RELN: variants seen among roughly 807,000 people sequenced by gnomAD.
RELN encodes reelin.
In RELN, 108 loss-of-function variants were observed where a neutral mutation model predicts 427.6. That is an observed-to-expected ratio of 0.25 (90% CI 0.22 to 0.30). RELN has a LOEUF of 0.30. Ranked by LOEUF, RELN falls within the 10% of genes least tolerant of loss-of-function variation. RELN has a pLI of 1.00. For missense variants in RELN, 3,715 were observed against 4,302.8 expected, an observed-to-expected ratio of 0.86 and a Z score of 3.82; for synonymous variants, 1,524 against 1,513.4, an observed-to-expected ratio of 1.01 and a Z score of -0.16.
intron 6 of RELN, among the ~76,000 whole-genome samples, chr7:103,732,612 G>A (rs1209048371): frequency 2.0e-5 from 3 of 152,124 alleles, no homozygotes; most frequent in Non-Finnish European, 2.9e-5. Flanking sequence ...AGTGATCCAT[G>A]TGAAAGACGA....
intron 41 of RELN, among the ~76,000 whole-genome samples, chr7:103,549,361 AG>A (rs1830364147): frequency 6.6e-6 from 1 of 152,188 alleles, no homozygotes; most frequent in Non-Finnish European, 1.5e-5. Flanking sequence ...CTCTTTTATA[AG>A]GGCACTGATG....
chr7:103,806,459 G>A (rs1792602341), intron 3 of RELN, among the ~76,000 whole-genome samples: 1 of 151,950 alleles, frequency 6.6e-6, no homozygotes, highest in Non-Finnish European at 1.5e-5. Context: ...CAAGTAGCTG[G>A]GATTACAGGC....
chr7:103,972,090 T>TAAAAATAA (rs750130303), intron 1 of RELN, among the ~76,000 whole-genome samples: 1 of 151,790 alleles, frequency 6.6e-6, no homozygotes, highest in Non-Finnish European at 1.5e-5. Context: ...AGTAAATAGA[T>TAAAAATAA]AAAAATAAAA....
chr7:103,657,515 G>C (rs982616669), intron 12 of RELN, among the ~76,000 whole-genome samples: 4 of 152,052 alleles, frequency 2.6e-5, no homozygotes, highest in African/African-American at 9.7e-5. Context: ...CGCAGGCACT[G>C]AACTATCAGT....
rs146792489 is a variant in RELN, at chr7:103,865,503, C to T, written c.338-31831G>A. Among the ~76,000 whole-genome samples the T allele has an allele frequency of 4.4e-4, 67 of 152,102 alleles. 2 individuals are homozygous for T. Among genetic ancestry groups the T allele is most frequent in the African/African-American group, 1.5e-3 (64 of 41,524 alleles). ...GAACATAAATGCAACAATCCTAAAA[C>T]AAAATGCTAAGAAACAAAATTCAAC... On this transcript the variant is annotated intron_variant, in intron 2 of 64. Transcript: ENST00000428762.
chr7:103,594,425 C>T lies in RELN; in HGVS notation c.3607G>A (p.Val1203Met), dbSNP rs140868852. 101 of 1,614,020 alleles carry T rather than the reference C, an allele frequency of 6.3e-5. No individual in the cohort carries two copies. The highest frequency in any genetic ancestry group is 7.5e-5 in the Non-Finnish European group (88 of 1,179,918). The change falls in exon 26 of 65, where the codon GTG (valine) becomes ATG (methionine). Residue 1203 changes from valine (V) to methionine (M), a missense_variant. Transcript: ENST00000428762. ...PCTRFRWWQPVFSGEDYDQWA... is the reference protein window; with the variant it reads ...PCTRFRWWQPMFSGEDYDQWA... ...TGGTCATAGTCCTCCCCTGAGAACA[C>T]GGGCTGCCACCAGCGGAACCTGGTG...
chr7:103,490,701 A>C lies in RELN; in HGVS notation c.9572T>G (p.Ile3191Ser). Reference sequence around the variant, plus strand: ...GACATGGTCAGGCAGCTGGATGGTGATTCTTTTCCAGCTTGAGCTGTTGAC... The same window carrying C: ...GACATGGTCAGGCAGCTGGATGGTGCTTCTTTTCCAGCTTGAGCTGTTGAC... ...NSVNSSSWKRITIQLPDHVSS... is the reference protein window; with the variant it reads ...NSVNSSSWKRSTIQLPDHVSS... The change falls in exon 59 of 65, where the codon ATC (isoleucine) becomes AGC (serine). Residue 3191 changes from isoleucine (I) to serine (S), a missense_variant. By Grantham distance (142) the Ile-to-Ser change is moderately radical (BLOSUM62 -2). Around this residue, in one of 4 missense-constraint regions of RELN, gnomAD observed 1,310 missense variants for 1,643.0 expected, o/e 0.80. Transcript: ENST00000428762. The C allele has an allele frequency of 6.2e-7, 1 of 1,614,186 alleles. No individual in the cohort carries two copies. The highest frequency in any genetic ancestry group is 8.5e-7 in the Non-Finnish European group (1 of 1,180,040).
intron 16 of RELN, among the ~76,000 whole-genome samples, chr7:103,646,626 TA>T (rs905314864): frequency 6.6e-6 from 1 of 151,764 alleles, no homozygotes. Flanking sequence ...GAATCAGTAA[TA>T]AAAAATCTCC....
At chr7:103,514,210 A>T (rs1282726008) in intron 50 of RELN, among the ~76,000 whole-genome samples, 1 of 152,208 alleles carries the variant, frequency 6.6e-6, no homozygotes, top group East Asian at 1.9e-4. Context: ...CTAGTATGGG[A>T]TATATAATGA....
chr7:103,659,254 A>G (rs1362553936), intron 12 of RELN, among the ~76,000 whole-genome samples: 1 of 151,784 alleles, frequency 6.6e-6, no homozygotes, highest in Non-Finnish European at 1.5e-5. Flanking sequence ...TTAATTTCTG[A>G]TTATTTCAAT....
At chr7:103,733,055 C>T (rs896109286) in intron 6 of RELN, among the ~76,000 whole-genome samples, 2 of 151,890 alleles carry the variant, frequency 1.3e-5, no homozygotes, top group Admixed American at 6.6e-5. Context: ...TTAGGTCTAA[C>T]GTTTAAGACT....
chr7:103,896,974 T>C (rs1027956987), intron 2 of RELN, among the ~76,000 whole-genome samples: 1 of 152,070 alleles, frequency 6.6e-6, no homozygotes, highest in Non-Finnish European at 1.5e-5. Context: ...CTCACAATCA[T>C]GGCAGAAGGT....
At chr7:103,787,769 G>A (rs1283644012) in intron 3 of RELN, among the ~76,000 whole-genome samples, 1 of 152,170 alleles carries the variant, frequency 6.6e-6, no homozygotes, top group Admixed American at 6.5e-5. Flanking sequence ...AGAGGAGCTG[G>A]TACCATTCCT....
At chr7:103,718,925 T>C (rs1421486039) in intron 8 of RELN, among the ~76,000 whole-genome samples, 1 of 152,162 alleles carries the variant, frequency 6.6e-6, no homozygotes, top group African/African-American at 2.4e-5. Context: ...TTAGAGTGAC[T>C]CAATGCAGAT....
At chr7:103,630,324 C>T (rs1431136394) in intron 19 of RELN, 148 bp from the exon 20 acceptor site, 1 of 642,928 alleles carries the variant, frequency 1.6e-6, no homozygotes, top group Non-Finnish European at 2.7e-6. Flanking sequence ...TGTCCAGTTT[C>T]CTGTCTGTTT....
At position 103,988,211 on chromosome 7, in the gene RELN, A is replaced by C. The variant is rs1055249475; in HGVS notation, c.226+920T>G. ...TGAAATGTTCAGAAGTCCCAGAAGAAATACAGAAAAGAGACATTTTTTATT... is the reference window on the plus strand; with the variant it reads ...TGAAATGTTCAGAAGTCCCAGAAGACATACAGAAAAGAGACATTTTTTATT... On this transcript the variant is annotated intron_variant, in intron 1 of 64. Coordinates refer to ENST00000428762, the MANE Select transcript of RELN (RefSeq NM_005045.4). This position sits in a 1 kb window ranked among gnomAD's most constrained non-coding sequence, Gnocchi z 4.9. Among the ~76,000 whole-genome samples, 6 of 152,234 alleles carry C rather than the reference A, an allele frequency of 3.9e-5. No individual in the cohort carries two copies. Among genetic ancestry groups the C allele is most frequent in the Non-Finnish European group, 2.9e-5 (2 of 68,034 alleles).
intron 28 of RELN, among the ~76,000 whole-genome samples, chr7:103,581,608 T>G (rs527600834): frequency 6.6e-6 from 1 of 152,254 alleles, no homozygotes; most frequent in East Asian, 1.9e-4. Flanking sequence ...TGCCTCCCAC[T>G]TAATCACACT....
chr7:103,538,142 G>A (rs1830097484), intron 45 of RELN, among the ~76,000 whole-genome samples: 2 of 152,188 alleles, frequency 1.3e-5, no homozygotes, highest in South Asian at 2.1e-4. Flanking sequence ...GAGGTAGAAA[G>A]AGTATCTCTG....
chr7:103,517,569 G>A (rs1236469262), intron 49 of RELN, among the ~76,000 whole-genome samples: 2 of 152,134 alleles, frequency 1.3e-5, no homozygotes, highest in Non-Finnish European at 2.9e-5. Context: ...TGCTGCTTAA[G>A]TGTTCAGGAA....
Sources: gnomAD v4.1 joint callset for allele counts (sites outside exome capture counted in the v4.1 genomes callset) on GRCh38, gnomAD v4.1.1 for gene constraint, gnomAD v4.1.1 regional missense constraint, Gnocchi (gnomAD v3.1) non-coding constraint, MANE v1.5 for transcripts, NCBI Gene and HGNC (gene_info 2026-07-23, HGNC 2026-07-21) for gene names.